Variants in PCCA observed in about 807,000 individuals in gnomAD.
PCCA encodes propionyl-CoA carboxylase subunit alpha.
In PCCA, 74 loss-of-function variants were observed where a neutral mutation model predicts 101.3. The observed-to-expected ratio is 0.73, with a 90% CI of 0.61 to 0.89. The LOEUF (loss-of-function observed/expected upper bound fraction) is 0.89. Among genes scored for constraint, PCCA ranks in the 40% least tolerant of loss-of-function variants. The pLI is 0.00. For missense variants in PCCA, 891 were observed against 907.0 expected (o/e 0.98, Z 0.23); for synonymous variants, 294 against 313.6 (o/e 0.94, Z 0.66).
intron 18 of PCCA, among the ~76,000 whole-genome samples, chr13:100,350,222 T>C (rs1595516224): frequency 6.6e-6 from 1 of 152,148 alleles, no homozygotes; most frequent in Admixed American, 6.6e-5. Flanking sequence ...AAAGAGCATG[T>C]GAAATTATAA....
chr13:100,331,109 G>T (rs2069493796), intron 17 of PCCA, among the ~76,000 whole-genome samples: 2 of 152,126 alleles, frequency 1.3e-5, no homozygotes, highest in Admixed American at 6.6e-5. Flanking sequence ...GAAAATCTAG[G>T]AAGATGATGA....
intron 21 of PCCA, among the ~76,000 whole-genome samples, chr13:100,463,056 G>T (rs2152944388): frequency 6.6e-6 from 1 of 152,334 alleles, no homozygotes; most frequent in South Asian, 2.1e-4. Flanking sequence ...TGTAGAAACT[G>T]CACTCTGTAC....
intron 8 of PCCA, among the ~76,000 whole-genome samples, chr13:100,249,158 A>G (rs921868357): frequency 2.6e-5 from 4 of 152,184 alleles, no homozygotes; most frequent in Non-Finnish European, 5.9e-5. Flanking sequence ...TGTTATATGT[A>G]AAAACTCATT....
intron 16 of PCCA, among the ~76,000 whole-genome samples, chr13:100,322,655 C>T (rs556126371): frequency 5.3e-5 from 8 of 151,830 alleles, no homozygotes; most frequent in African/African-American, 9.7e-5. Context: ...ACTACAACTT[C>T]GAACTCCTGG....
At chr13:100,232,351 C>A (rs375556870) in intron 7 of PCCA, among the ~76,000 whole-genome samples, 1 of 131,180 alleles carries the variant, frequency 7.6e-6, no homozygotes, top group Non-Finnish European at 1.6e-5. Context: ...TGTGTGTATG[C>A]GTGTGTGTGT....
intron 4 of PCCA, among the ~76,000 whole-genome samples, chr13:100,131,754 C>A (rs753354338): frequency 2.0e-5 from 3 of 152,092 alleles, no homozygotes; most frequent in Non-Finnish European, 2.9e-5. Context: ...TAACAAATAC[C>A]GTTGAGCACT....
intron 18 of PCCA, among the ~76,000 whole-genome samples, chr13:100,350,990 G>A (rs2073201242): frequency 6.6e-6 from 1 of 152,182 alleles, no homozygotes; most frequent in Non-Finnish European, 1.5e-5. Context: ...CAGGGTAACA[G>A]CATAGCATGC....
At chr13:100,237,504 C>G (rs955688207) in intron 8 of PCCA, 1 of 152,034 alleles carries the variant, frequency 6.6e-6, no homozygotes, top group South Asian at 2.1e-4. Context: ...AGAACTGATT[C>G]TGTGGTTTCT....
At chr13:100,209,818 GAC>G (rs1283225746) in intron 7 of PCCA, among the ~76,000 whole-genome samples, 1 of 152,076 alleles carries the variant, frequency 6.6e-6, no homozygotes, top group African/African-American at 2.4e-5. Flanking sequence ...TTTTAGTAGA[GAC>G]AGGGTTTCAC....
intron 1 of PCCA, among the ~76,000 whole-genome samples, chr13:100,091,771 A>G (rs555858392): frequency 6.6e-6 from 1 of 151,642 alleles, no homozygotes; most frequent in African/African-American, 2.4e-5. Context: ...TTTTAGTCTT[A>G]TTTGTTTTGT....
intron 21 of PCCA, among the ~76,000 whole-genome samples, chr13:100,457,647 C>T (rs1413538804): frequency 6.6e-6 from 1 of 152,168 alleles, no homozygotes; most frequent in Admixed American, 6.5e-5. Context: ...CGCACCTGCC[C>T]TTTGATCTGG....
intron 11 of PCCA, among the ~76,000 whole-genome samples, chr13:100,272,502 A>T (rs1237241782): frequency 6.6e-6 from 1 of 152,154 alleles, no homozygotes; most frequent in Non-Finnish European, 1.5e-5. Context: ...GCCTTCTTGC[A>T]CATGGGAACC....
intron 17 of PCCA, among the ~76,000 whole-genome samples, chr13:100,335,918 G>A (rs546884899): frequency 1.3e-5 from 2 of 152,308 alleles, no homozygotes; most frequent in African/African-American, 4.8e-5. Context: ...CATAGCCCAC[G>A]AAGAGAGAAC....
intron 21 of PCCA, among the ~76,000 whole-genome samples, chr13:100,476,609 G>A (rs2152961806): frequency 6.6e-6 from 1 of 152,320 alleles, no homozygotes; most frequent in South Asian, 2.1e-4. Context: ...ATTTATCCAA[G>A]TATTTGATAG....
intron 19 of PCCA, 65 bp from the exon 20 acceptor site, chr13:100,425,568 C>A: frequency 1.9e-6 from 2 of 1,075,546 alleles, no homozygotes; most frequent in Non-Finnish European, 1.4e-6. Flanking sequence ...TTGTATGCAG[C>A]AATGAACTTG....
intron 11 of PCCA, 33 bp downstream of exon 11, chr13:100,268,816 T>A: frequency 7.2e-7 from 1 of 1,388,748 alleles, no homozygotes; most frequent in Non-Finnish European, 1.0e-6. Flanking sequence ...ATAAAGCGGC[T>A]GCTTTTATGC....
rs2069409792 is a variant in PCCA, at chr13:100,330,611, T to G, written c.1480T>G (p.Phe494Val). The G allele has an allele frequency of 6.2e-7, 1 of 1,613,160 alleles. No homozygotes were observed. Among genetic ancestry groups the G allele is most frequent in the Non-Finnish European group, 8.5e-7 (1 of 1,179,280 alleles). ...LLREVIINSR[F>V]VKGDISTKFL... Reference sequence around the variant, plus strand: ...TCGAGAGGTGATAATCAACTCACGCTTTGTAAAAGGAGACATCAGCACTAA... The same window carrying G: ...TCGAGAGGTGATAATCAACTCACGCGTTGTAAAAGGAGACATCAGCACTAA... The change falls in exon 17 of 24, where the codon TTT becomes GTT. Residue 494 changes from phenylalanine to valine, a missense_variant. Physicochemically the swap from Phe to Val is conservative, Grantham distance 50. Coordinates refer to ENST00000376285, the MANE Select transcript of PCCA (RefSeq NM_000282.4).
chr13:100,424,882 A>G (rs2079044170), intron 19 of PCCA, among the ~76,000 whole-genome samples: 1 of 152,232 alleles, frequency 6.6e-6, no homozygotes, highest in Non-Finnish European at 1.5e-5. Flanking sequence ...TGTCATCTGT[A>G]AGCCTCTCAT....
At chr13:100,474,718 G>A (rs2083291050) in intron 21 of PCCA, among the ~76,000 whole-genome samples, 1 of 152,126 alleles carries the variant, frequency 6.6e-6, no homozygotes. Context: ...CGAACTCCTA[G>A]TCTCAAGCGA....
Sources: allele counts gnomAD v4.1 joint callset (sites outside exome capture counted in the v4.1 genomes callset), GRCh38; gene constraint gnomAD v4.1.1; transcripts MANE v1.5; gene names NCBI Gene and HGNC (gene_info 2026-07-23, HGNC 2026-07-21).